Variants in PRDM15 observed in about 807,000 individuals in gnomAD.
PRDM15 encodes PR/SET domain 15.
Under a neutral mutation model 128.6 loss-of-function variants are expected in PRDM15, and 64 were observed. That is an observed-to-expected ratio of 0.50 (90% CI 0.41 to 0.61). PRDM15 has a LOEUF of 0.61. Ranked by LOEUF, PRDM15 falls within the 20% of genes least tolerant of loss-of-function variation. PRDM15 has a pLI of 0.00. For synonymous variants in PRDM15, 615 were observed against 621.8 expected (o/e 0.99, Z 0.16); for missense variants, 1,242 against 1,569.1 (o/e 0.79, Z 3.52).
intron 18 of PRDM15, 116 bp downstream of exon 18, chr21:41,819,466 G>GC (rs972067463): frequency 1.7e-5 from 2 of 117,160 alleles, no homozygotes; most frequent in African/African-American, 1.7e-4. Context: ...CCCGGCCCCC[G>GC]CCCCCGCCAC....
chr21:41,824,126 G>A (rs564323491), intron 13 of PRDM15, among the ~76,000 whole-genome samples: 14 of 152,054 alleles, frequency 9.2e-5, no homozygotes, highest in East Asian at 7.7e-4. Flanking sequence ...TATTCCCAGC[G>A]GCCACGTAAT....
Position 41,820,140 on chromosome 21 carries a change from A to G in PRDM15, c.2095T>C (p.Phe699Leu). The G allele has an allele frequency of 6.2e-7, 1 of 1,613,894 alleles. No homozygotes were observed. Among genetic ancestry groups the G allele is most frequent in the Non-Finnish European group, 8.5e-7 (1 of 1,179,888 alleles). Reference sequence around the variant, plus strand: ...CGCTCCAGGTTCCCGATGCTGTTGAAGATCCGCCCGCAGATCTCGCAGGGG... The same window carrying G: ...CGCTCCAGGTTCCCGATGCTGTTGAGGATCCGCCCGCAGATCTCGCAGGGG... ...IHPCEICGRI[F>L]NSIGNLERHK... Residue 699 changes from phenylalanine (F) to leucine (L), a missense_variant, in exon 17 of 24, where the codon TTC (phenylalanine) becomes CTC (leucine). Phe to Leu is a conservative substitution (Grantham distance 22, BLOSUM62 0). Coordinates refer to ENST00000398548, the MANE Select transcript of PRDM15 (RefSeq NM_001040424.3).
rs115947920 is a variant in PRDM15 at position 41,869,477 on chromosome 21, A to G, written c.-9-9105T>C. 2.1e-3 allele frequency among the ~76,000 whole-genome samples: 271 copies of G among 130,088 alleles called. 3 individuals carry two copies. The highest frequency in any genetic ancestry group is 7.4e-3 in the African/African-American group (249 of 33,674). 85.3% of individuals were successfully genotyped at this position (130,088 alleles called of 152,430 possible). A position where few individuals can be genotyped will look rare whatever the true frequency, so the allele number is the denominator to read the frequency against. On this transcript the variant is annotated intron_variant, in intron 1 of 23. Coordinates refer to ENST00000398548, the MANE Select transcript of PRDM15 (RefSeq NM_001040424.3). ...TTTTTTTGAGACATGGTGGAGTTTC[A>G]CTGTTATTGCCCAGGCTGGGGTCCA...
At chr21:41,863,593 T>C (rs1258820861) in intron 1 of PRDM15, among the ~76,000 whole-genome samples, 2 of 151,176 alleles carry the variant, frequency 1.3e-5, no homozygotes, top group African/African-American at 4.9e-5. Context: ...AACCTGGTGG[T>C]AAACGGGAAA....
At chr21:41,835,984 TC>T in intron 10 of PRDM15, 128 bp downstream of exon 10, 1 of 145,270 alleles carries the variant, frequency 6.9e-6, no homozygotes, top group South Asian at 4.9e-5. Flanking sequence ...CTCTCCTCCC[TC>T]CCCCACAGCC....
intron 4 of PRDM15, among the ~76,000 whole-genome samples, chr21:41,855,078 C>G (rs571630749): frequency 6.6e-6 from 1 of 152,182 alleles, no homozygotes; most frequent in African/African-American, 2.4e-5. Flanking sequence ...ATTGGGATAC[C>G]TGAGTGTTAC....
At chr21:41,857,444 T>C in intron 3 of PRDM15, 115 bp from the exon 4 acceptor site, 1 of 1,110,254 alleles carries the variant, frequency 9.0e-7, no homozygotes, top group African/African-American at 1.6e-5. Context: ...GGAAATAAAA[T>C]TCTCCAGGTG....
rs755328229 is a variant in PRDM15 at position 41,871,544 on chromosome 21, G to A, written c.-10+7726C>T. On this transcript the variant is annotated intron_variant, in intron 1 of 23. Transcript: ENST00000398548. ...CAGGCCTGCACTCGCAGGGCTCAGT[G>A]GCTCAGTGTCGGACACCTCATTCCC... 6 of 1,611,672 alleles carry A rather than the reference G, an allele frequency of 3.7e-6. No individual in the cohort carries two copies. The African/African-American group carries it at 5.3e-5, about 14-fold the overall frequency.
chr21:41,803,482 C>T (rs906759541), intron 22 of PRDM15, among the ~76,000 whole-genome samples: 4 of 152,218 alleles, frequency 2.6e-5, no homozygotes, highest in Non-Finnish European at 5.9e-5. Context: ...TGAACCGGGC[C>T]GGCTCACCAG....
chr21:41,847,430 C>T (rs889083431), intron 5 of PRDM15, among the ~76,000 whole-genome samples: 7 of 152,156 alleles, frequency 4.6e-5, no homozygotes, highest in African/African-American at 1.2e-4. Context: ...CACAGAGACA[C>T]GCCTGCTGCA....
intron 1 of PRDM15, chr21:41,871,931 A>C (rs373868567): frequency 2.9e-5 from 7 of 237,452 alleles, no homozygotes; most frequent in African/African-American, 8.9e-5. Flanking sequence ...TCCTTGGCCC[A>C]GCCCCGCCCA....
chr21:41,815,928 G>C (rs4075968), intron 18 of PRDM15, 92 bp from the exon 19 acceptor site: 6 of 1,526,078 alleles, frequency 3.9e-6, no homozygotes, highest in Non-Finnish European at 4.4e-6. Context: ...CACAGGCAGC[G>C]GCCCGTGCGG....
In PRDM15 at chr21:41,859,503, C is replaced by T; in HGVS notation, c.131+89G>A. The T allele has an allele frequency of 9.5e-7, 1 of 1,052,266 alleles. No homozygotes were observed. The highest frequency in any genetic ancestry group is 2.5e-5 in the East Asian group (1 of 39,440). 65.2% of individuals were successfully genotyped at this position (1,052,266 alleles called of 1,614,324 possible). On this transcript the variant is annotated intron_variant, in intron 3 of 23. Transcript: ENST00000398548. The surrounding 1 kb of genome is among the most constrained non-coding windows in gnomAD (Gnocchi z 5.3). ...GAGTGCCTCTGTTCTCCCTCAGGCT[C>T]CTTCCTCCCCGTCTGCAGACCCAAA...
At chr21:41,840,567 G>A (rs2063044995) in intron 6 of PRDM15, among the ~76,000 whole-genome samples, 1 of 152,042 alleles carries the variant, frequency 6.6e-6, no homozygotes, top group African/African-American at 2.4e-5. Context: ...GTAGGGGCAG[G>A]GGAGAAAAGA....
intron 4 of PRDM15, among the ~76,000 whole-genome samples, chr21:41,855,528 C>T (rs924322032): frequency 6.6e-6 from 1 of 152,200 alleles, no homozygotes; most frequent in Non-Finnish European, 1.5e-5. Flanking sequence ...AAAGACGGAG[C>T]CCTTGGAAGT....
chr21:41,821,767 C>T lies in PRDM15; in HGVS notation c.1896+136G>A. ...GACAGGCACCCAGTCTGCAGTAGGA[C>T]CACTGGCCGGAGCCTTTGGGGAGGG... On this transcript the variant is annotated intron_variant, in intron 15 of 23. Transcript: ENST00000398548. The surrounding 1 kb of genome is among the most constrained non-coding windows in gnomAD (Gnocchi z 5.4). 1.9e-6 allele frequency: 2 copies of T among 1,070,520 alleles called. No individual in the cohort carries two copies. The highest frequency in any genetic ancestry group is 2.7e-6 in the Non-Finnish European group (2 of 727,690). The allele number at this position is 1,070,520 out of a possible 1,614,324, so 66.3% of individuals were successfully genotyped here.
chr21:41,810,702 C>T lies in PRDM15; in HGVS notation c.2476+51G>A, dbSNP rs371437506. 73 of 1,466,122 alleles carry T rather than the reference C, an allele frequency of 5.0e-5. 1 individual carries two copies. The highest frequency in any genetic ancestry group is 1.4e-4 in the East Asian group (6 of 44,252). The allele number at this position is 1,466,122 out of a possible 1,614,324, so 90.8% of individuals were successfully genotyped here. A position where few individuals can be genotyped will look rare whatever the true frequency, so the allele number is the denominator to read the frequency against. ...ACCCCAGCAGGCACTCAGACAGCCCCGGCAGCCTGCCGCGTGCGCCCCGAA... is the reference window on the plus strand; with the variant it reads ...ACCCCAGCAGGCACTCAGACAGCCCTGGCAGCCTGCCGCGTGCGCCCCGAA... On this transcript the variant is annotated intron_variant, in intron 20 of 23. Transcript: ENST00000398548. This position sits in a 1 kb window ranked among gnomAD's most constrained non-coding sequence, Gnocchi z 6.4.
At chr21:41,872,764 C>T (rs2064259660) in intron 1 of PRDM15, among the ~76,000 whole-genome samples, 1 of 152,152 alleles carries the variant, frequency 6.6e-6, no homozygotes, top group African/African-American at 2.4e-5. Flanking sequence ...AAAGAGAGCA[C>T]AAAACGCACA....
chr21:41,878,712 A>G, intron 1 of PRDM15: 5 of 1,571,262 alleles, frequency 3.2e-6, no homozygotes, highest in Non-Finnish European at 4.3e-6. Flanking sequence ...CAGCTTCTCT[A>G]AACGCGGGGT....
Sources: allele counts gnomAD v4.1 joint callset (sites outside exome capture counted in the v4.1 genomes callset), GRCh38; gene constraint gnomAD v4.1.1; non-coding constraint Gnocchi (gnomAD v3.1); transcripts MANE v1.5; gene names NCBI Gene and HGNC (gene_info 2026-07-23, HGNC 2026-07-21).